MAP2: variants seen among roughly 807,000 people sequenced by gnomAD.
MAP2 encodes microtubule associated protein 2.
MAP2 carries 14 observed loss-of-function variants against 137.6 expected under a neutral mutation model. The observed-to-expected ratio is 0.10, with a 90% confidence interval of 0.07 to 0.16. The LOEUF (loss-of-function observed/expected upper bound fraction) is 0.16, where lower values mean the gene tolerates loss of function less well. Among genes scored for constraint, MAP2 ranks in the 10% least tolerant of loss-of-function variants. The pLI, the probability that MAP2 is intolerant of heterozygous loss-of-function variation, is 1.00. For missense variants in MAP2, 2,088 were observed against 2,191.5 expected (o/e 0.95, Z 0.94); for synonymous variants, 786 against 782.3 (o/e 1.00, Z -0.08).
intron 1 of MAP2, among the ~76,000 whole-genome samples, chr2:209,493,543 C>A (rs560865913): frequency 6.6e-6 from 1 of 152,248 alleles, no homozygotes; most frequent in South Asian, 2.1e-4. Flanking sequence ...ATCCATCTGA[C>A]AAAGGGCTAA....
intron 4 of MAP2, among the ~76,000 whole-genome samples, chr2:209,634,911 A>T (rs906691024): frequency 2.6e-5 from 4 of 152,110 alleles, no homozygotes; most frequent in Admixed American, 2.6e-4. Flanking sequence ...ACATAGCGAG[A>T]CCTCATGTCA....
intron 3 of MAP2, among the ~76,000 whole-genome samples, chr2:209,616,943 A>T (rs2089655844): frequency 1.3e-5 from 2 of 152,170 alleles, no homozygotes; most frequent in Admixed American, 6.5e-5. Flanking sequence ...AGGCGGGGGG[A>T]CCCAGCAAGA....
chr2:209,643,154 C>T (rs372419272), intron 4 of MAP2, among the ~76,000 whole-genome samples: 3 of 152,066 alleles, frequency 2.0e-5, no homozygotes, highest in Non-Finnish European at 4.4e-5. Flanking sequence ...CTGTCTGTGC[C>T]GAACACATTA....
intron 6 of MAP2, among the ~76,000 whole-genome samples, chr2:209,679,230 G>A (rs1323732666): frequency 6.6e-6 from 1 of 151,938 alleles, no homozygotes; most frequent in African/African-American, 2.4e-5. Flanking sequence ...CTCTCCCTTA[G>A]TAACAAGACA....
intron 4 of MAP2, among the ~76,000 whole-genome samples, chr2:209,636,563 T>TTATA (rs112634424): frequency 3.6e-4 from 54 of 148,438 alleles, no homozygotes; most frequent in African/African-American, 9.8e-4. Flanking sequence ...TACGTATATA[T>TTATA]TATATATATA....
chr2:209,437,237 A>G (rs1357065068), intron 1 of MAP2, among the ~76,000 whole-genome samples: 1 of 151,680 alleles, frequency 6.6e-6, no homozygotes, highest in Non-Finnish European at 1.5e-5. Context: ...CGTTATCACA[A>G]ATGTCTTTTA....
At chr2:209,559,241 C>A (rs1329794778) in intron 2 of MAP2, among the ~76,000 whole-genome samples, 1 of 151,994 alleles carries the variant, frequency 6.6e-6, no homozygotes, top group Non-Finnish European at 1.5e-5. Flanking sequence ...CCCTCCCTCC[C>A]TCTGTTAGAG....
intron 5 of MAP2, among the ~76,000 whole-genome samples, chr2:209,660,282 A>G (rs1158245176): frequency 6.6e-6 from 1 of 151,536 alleles, no homozygotes; most frequent in African/African-American, 2.4e-5. Flanking sequence ...GGAGCTCACC[A>G]TGGGAGCTAT....
At chr2:209,708,863 C>T (rs2064378556) in intron 12 of MAP2, among the ~76,000 whole-genome samples, 1 of 152,120 alleles carries the variant, frequency 6.6e-6, no homozygotes, top group South Asian at 2.1e-4. Flanking sequence ...CCTCAATGTT[C>T]TCATTTCTTA....
intron 3 of MAP2, among the ~76,000 whole-genome samples, chr2:209,603,893 T>C (rs1156509121): frequency 6.6e-6 from 1 of 152,154 alleles, no homozygotes; most frequent in African/African-American, 2.4e-5. Context: ...AAAGTTTGTG[T>C]AATGCCAAGG....
chr2:209,553,706 C>G (rs1310855779), intron 2 of MAP2, among the ~76,000 whole-genome samples: 1 of 152,042 alleles, frequency 6.6e-6, no homozygotes, highest in Non-Finnish European at 1.5e-5. Flanking sequence ...TTGGGCTATC[C>G]CTTCTACACT....
intron 1 of MAP2, among the ~76,000 whole-genome samples, chr2:209,485,383 T>C (rs1183503205): frequency 6.6e-6 from 1 of 152,214 alleles, no homozygotes; most frequent in Admixed American, 6.5e-5. Context: ...CCTATAACTT[T>C]TTTTTTTATT....
intron 1 of MAP2, among the ~76,000 whole-genome samples, chr2:209,456,974 C>T (rs1166636173): frequency 2.0e-5 from 3 of 152,014 alleles, no homozygotes; most frequent in Admixed American, 1.3e-4. Context: ...AACACACACA[C>T]ATGTACACAC....
At chr2:209,716,768 C>T (rs1448079355) in intron 13 of MAP2, among the ~76,000 whole-genome samples, 10 of 151,916 alleles carry the variant, frequency 6.6e-5, no homozygotes, top group Admixed American at 6.6e-4. Context: ...ATGGAAGCAA[C>T]AAAATCATGC....
chr2:209,435,957 A>C (rs28472776), intron 1 of MAP2, among the ~76,000 whole-genome samples: 5,777 of 129,304 alleles, frequency 0.045, 296 homozygotes, highest in East Asian at 0.16. Flanking sequence ...CTATATATAC[A>C]GTATATATTA....
At chr2:209,672,622 A>G (rs1268257838) in intron 5 of MAP2, among the ~76,000 whole-genome samples, 1 of 151,854 alleles carries the variant, frequency 6.6e-6, no homozygotes, top group Non-Finnish European at 1.5e-5. Flanking sequence ...ACTAGAACCT[A>G]CTTTTATATA....
chr2:209,664,962 CAAAAAAAAA>C (rs67286716), intron 5 of MAP2, among the ~76,000 whole-genome samples: 12 of 51,836 alleles, frequency 2.3e-4, no homozygotes, highest in Non-Finnish European at 3.6e-4. Flanking sequence ...AACTCCGTCT[CAAAAAAAAA>C]AAAAAAAAAA....
intron 2 of MAP2, among the ~76,000 whole-genome samples, chr2:209,540,630 CAAAAAAAAAAAAAAA>C (rs749183996): frequency 3.6e-4 from 10 of 27,592 alleles, no homozygotes; most frequent in East Asian, 2.4e-3. Context: ...GACTCCGTCT[CAAAAAAAAAAAAAAA>C]AAAAAAAAAA....
intron 3 of MAP2, among the ~76,000 whole-genome samples, chr2:209,594,439 CTG>C (rs773092250): frequency 3.9e-5 from 6 of 152,158 alleles, no homozygotes; most frequent in Non-Finnish European, 7.4e-5. Flanking sequence ...CTCTAGGACT[CTG>C]TATTTGATTA....
Sources: allele counts gnomAD v4.1 joint callset (sites outside exome capture counted in the v4.1 genomes callset), GRCh38; gene constraint gnomAD v4.1.1; transcripts MANE v1.5; gene names NCBI Gene and HGNC (gene_info 2026-07-23, HGNC 2026-07-21).